The following TMEM260 variants were observed in gnomAD, a reference collection of about 807,000 sequenced individuals.
TMEM260 encodes the protein transmembrane protein 260.
A neutral mutation model predicts 88.9 loss-of-function variants in TMEM260; 82 were observed. That is an observed-to-expected ratio of 0.92 (90% CI 0.77 to 1.11). The LOEUF (loss-of-function observed/expected upper bound fraction) is 1.11, where lower values mean the gene tolerates loss of function less well. Ranked by LOEUF, TMEM260 falls within the 50% of genes least tolerant of loss-of-function variation. The probability of loss-of-function intolerance (pLI) is 0.00; values close to 1 mark genes in which losing one functional copy is unlikely to be tolerated. For missense variants in TMEM260, 902 were observed against 853.4 expected, an observed-to-expected ratio of 1.06 and a Z score of -0.71; for synonymous variants, 314 against 309.3, an observed-to-expected ratio of 1.02 and a Z score of -0.16.
At chr14:56,580,604 C>G (rs1444012042) in intron 1 of TMEM260, among the ~76,000 whole-genome samples, 1 of 152,070 alleles carries the variant, frequency 6.6e-6, no homozygotes, top group South Asian at 2.1e-4. Flanking sequence ...CAGGAAAGAC[C>G]TCTGAAGAGG....
At position 56,617,180 on chromosome 14, in the gene TMEM260, T is replaced by C. The variant is rs1317360829; in HGVS notation, c.942-3T>C. 6.5e-7 allele frequency: 1 copy of C among 1,533,640 alleles called. No individual in the cohort carries two copies. Among genetic ancestry groups the C allele is most frequent in the East Asian group, 2.3e-5 (1 of 43,260 alleles). ...TTAGACATATTTTTATTATTTTTTG[T>C]AGGGACAGACAGAATCCATCATTAG... On this transcript the variant is annotated splice_region_variant and splice_polypyrimidine_tract_variant and intron_variant, in intron 8 of 15. Transcript: ENST00000261556.
rs1887725665 is a variant in TMEM260, at chr14:56,618,606, T to C, written c.1069T>C (p.Trp357Arg). ...PLFMGVVERF[W>R]MQSNAVVAVL... ...GTCTCTTTCACAGGTGGAACGATTC[T>C]GGATGCAGAGCAATGCAGTAGTGGC... is the stretch of plus-strand genomic sequence containing the variant. The change falls in exon 10 of 16, where the codon TGG becomes CGG. Residue 357 changes from tryptophan to arginine, a missense_variant. Physicochemically the swap from Trp to Arg is moderately radical, Grantham distance 101. Transcript: ENST00000261556. The C allele has an allele frequency of 6.2e-7, 1 of 1,614,022 alleles. No homozygotes were observed. The highest frequency in any genetic ancestry group is 2.2e-5 in the East Asian group (1 of 44,882).
chr14:56,585,732 CCTT>C (rs751678026), intron 2 of TMEM260, 26 bp from the exon 3 acceptor site: 108 of 1,606,338 alleles, frequency 6.7e-5, no homozygotes, highest in Non-Finnish European at 8.8e-5. Context: ...TAGATGAAAA[CCTT>C]CTAACTGTTG....
chr14:56,640,875 T>A (rs998406764), intron 15 of TMEM260, among the ~76,000 whole-genome samples: 1 of 152,042 alleles, frequency 6.6e-6, no homozygotes, highest in Admixed American at 6.6e-5. Flanking sequence ...GCCAATGCGA[T>A]CAACTGGAAG....
intron 11 of TMEM260, among the ~76,000 whole-genome samples, chr14:56,625,044 G>C (rs1295678620): frequency 1.3e-5 from 2 of 152,204 alleles, no homozygotes; most frequent in Non-Finnish European, 2.9e-5. Context: ...TCTGACAGGA[G>C]GCAGAGCACA....
At chr14:56,610,741 TG>T (rs1333987436) in intron 6 of TMEM260, among the ~76,000 whole-genome samples, 1 of 152,072 alleles carries the variant, frequency 6.6e-6, no homozygotes, top group Non-Finnish European at 1.5e-5. Context: ...AGAAAAATAT[TG>T]TCTGAAGACC....
At chr14:56,617,376 A>G in intron 9 of TMEM260, 79 bp downstream of exon 9, 3 of 838,552 alleles carry the variant, frequency 3.6e-6, no homozygotes, top group Non-Finnish European at 5.6e-6. Flanking sequence ...AATCTTGTAG[A>G]AGGGCAAATT....
At chr14:56,654,217 G>A (rs1890259925), downstream of TMEM260, among the ~76,000 whole-genome samples, 1 of 151,912 alleles carries the variant, frequency 6.6e-6, no homozygotes. Context: ...TCTGGACTTC[G>A]GAATATATAC....
At chr14:56,635,675 C>T (rs751227718) in intron 14 of TMEM260, among the ~76,000 whole-genome samples, 25 of 152,100 alleles carry the variant, frequency 1.6e-4, no homozygotes, top group Non-Finnish European at 2.8e-4. Flanking sequence ...GTAGTGCAGA[C>T]GGAGTATCTT....
chr14:56,586,300 A>G (rs1190090482), intron 3 of TMEM260, among the ~76,000 whole-genome samples: 1 of 152,180 alleles, frequency 6.6e-6, no homozygotes, highest in Non-Finnish European at 1.5e-5. Flanking sequence ...GTCCAGGGCT[A>G]ATACCTAATT....
In TMEM260 at chr14:56,634,879, C is replaced by CTGTT; in HGVS notation, c.1725-18_1725-15dup. 2 of 1,595,984 alleles carry CTGTT rather than the reference C, an allele frequency of 1.3e-6. No individual in the cohort carries two copies. The highest frequency in any genetic ancestry group is 8.6e-7 in the Non-Finnish European group (1 of 1,168,802). On this transcript the variant is annotated intron_variant, in intron 13 of 15. Transcript: ENST00000261556. ...AAAAGTGGGTGACAGAAAGATATTA[C>CTGTT]TGTTTTCTTGTAACTACAGGTTTGA...
intron 3 of TMEM260, among the ~76,000 whole-genome samples, chr14:56,601,147 A>G (rs1886547497): frequency 6.6e-6 from 1 of 152,186 alleles, no homozygotes; most frequent in African/African-American, 2.4e-5. Flanking sequence ...ACATTCTTCA[A>G]TTTTTAAAAC....
At chr14:56,600,752 T>C (rs1886524534) in intron 3 of TMEM260, among the ~76,000 whole-genome samples, 1 of 152,196 alleles carries the variant, frequency 6.6e-6, no homozygotes, top group African/African-American at 2.4e-5. Context: ...AAAGATCCAC[T>C]ACGCTTTTGT....
chr14:56,614,921 AT>A (rs979139592), intron 7 of TMEM260, among the ~76,000 whole-genome samples: 7 of 152,238 alleles, frequency 4.6e-5, no homozygotes, highest in African/African-American at 1.7e-4. Flanking sequence ...AGCAAATTAA[AT>A]TTTTTCCCCA....
chr14:56,663,164 G>A, the TMEM260 span, among the ~76,000 whole-genome samples: 3 of 152,084 alleles, frequency 2.0e-5, no homozygotes, highest in South Asian at 2.1e-4. The surrounding 1 kb of genome is among the most constrained non-coding windows in gnomAD (Gnocchi z 4.1). Flanking sequence ...GTTGAGCATC[G>A]ATACACTGTA....
chr14:56,628,959 A>C (rs1394750471), intron 12 of TMEM260, among the ~76,000 whole-genome samples: 1 of 151,368 alleles, frequency 6.6e-6, no homozygotes, highest in Non-Finnish European at 1.5e-5. Flanking sequence ...ACAGTGGCAC[A>C]ATCTTGGCTC....
At chr14:56,661,134 A>G in the TMEM260 span, among the ~76,000 whole-genome samples, 24,946 of 152,208 alleles carry the variant, frequency 0.16, 2,557 homozygotes, top group African/African-American at 0.29. Context: ...TGGCTGCAGG[A>G]GGCAACCACA....
chr14:56,592,121 T>G (rs1389474024), intron 3 of TMEM260, among the ~76,000 whole-genome samples: 2 of 152,192 alleles, frequency 1.3e-5, no homozygotes, highest in Non-Finnish European at 2.9e-5. Flanking sequence ...AAATTCTGGG[T>G]AAAACAGTTC....
downstream of TMEM260, chr14:56,650,471 C>CT (rs148719454): frequency 0.022 from 3,380 of 154,786 alleles, 78 homozygotes; most frequent in East Asian, 0.058. Context: ...ATTGACTTGC[C>CT]TTTTTTTGTT....
Sources: allele counts gnomAD v4.1 joint callset (sites outside exome capture counted in the v4.1 genomes callset), GRCh38; gene constraint gnomAD v4.1.1; non-coding constraint Gnocchi (gnomAD v3.1); transcripts MANE v1.5; gene names NCBI Gene and HGNC (gene_info 2026-07-23, HGNC 2026-07-21).